The following TTK variants were observed in gnomAD, a reference collection of about 807,000 sequenced individuals.
TTK encodes TTK protein kinase, also known as dual specificity protein kinase TTK.
In TTK, 59 loss-of-function variants were observed where a neutral mutation model predicts 117.3. That is an observed-to-expected ratio of 0.50 (90% confidence interval 0.41 to 0.62). The LOEUF is 0.62. TTK is among the 20% of genes least tolerant of loss of function. TTK has a pLI of 0.00. For synonymous variants in TTK, 302 were observed against 325.0 expected, an observed-to-expected ratio of 0.93 and a Z score of 0.76; for missense variants, 921 against 989.4, an observed-to-expected ratio of 0.93 and a Z score of 0.93.
intron 13 of TTK, among the ~76,000 whole-genome samples, chr6:80,028,722 A>G (rs189836589): frequency 3.9e-5 from 6 of 152,344 alleles, no homozygotes; most frequent in Admixed American, 6.5e-5. Context: ...ATATCAGAAT[A>G]GCAATATGAG....
intron 13 of TTK, 84 bp downstream of exon 13, chr6:80,028,095 G>A: frequency 2.1e-6 from 3 of 1,398,414 alleles, no homozygotes; most frequent in Non-Finnish European, 2.8e-6. Context: ...TAGTTATCAA[G>A]AAAGGTCTTA....
chr6:80,008,581 A>C (rs1040613064), intron 4 of TTK, 89 bp downstream of exon 4: 2 of 1,198,516 alleles, frequency 1.7e-6, no homozygotes, highest in African/African-American at 3.2e-5. Flanking sequence ...TATGAAGTGG[A>C]AATTTGAGGC....
At chr6:80,008,725 A>G (rs1327602056) in intron 4 of TTK, among the ~76,000 whole-genome samples, 1 of 152,110 alleles carries the variant, frequency 6.6e-6, no homozygotes, top group Non-Finnish European at 1.5e-5. Context: ...AACATTGTGT[A>G]TGTGCTACTA....
chr6:80,039,567 TTAACA>T (rs1321753393), intron 18 of TTK, 124 bp from the exon 19 acceptor site: 2 of 591,812 alleles, frequency 3.4e-6, no homozygotes, highest in African/African-American at 3.9e-5. Flanking sequence ...TTTTGTCATG[TTAACA>T]TAATGTAGTA....
intron 10 of TTK, among the ~76,000 whole-genome samples, chr6:80,014,851 T>TA (rs1767263639): frequency 2.0e-5 from 3 of 152,270 alleles, no homozygotes; most frequent in African/African-American, 7.2e-5. Flanking sequence ...GCTTGACAAA[T>TA]ACTTTCTGGA....
chr6:80,019,566 A>G (rs867139873), intron 10 of TTK, among the ~76,000 whole-genome samples: 1 of 152,206 alleles, frequency 6.6e-6, no homozygotes, highest in African/African-American at 2.4e-5. Context: ...CTGAAAACTG[A>G]AATGTTATAC....
chr6:80,019,085 T>G (rs1286030102), intron 10 of TTK, among the ~76,000 whole-genome samples: 1 of 152,210 alleles, frequency 6.6e-6, no homozygotes, highest in African/African-American at 2.4e-5. Context: ...TTGCTAATAT[T>G]TCGTTTAGGA....
intron 9 of TTK, chr6:80,013,572 C>G: frequency 2.4e-6 from 1 of 410,064 alleles, no homozygotes; most frequent in Non-Finnish European, 4.3e-6. Context: ...GGTGGTAGAG[C>G]AAGGATCAAC....
chr6:80,035,594 A>T (rs1767884962), intron 16 of TTK, among the ~76,000 whole-genome samples, 177 bp downstream of exon 16: 1 of 152,070 alleles, frequency 6.6e-6, no homozygotes, highest in Admixed American at 6.6e-5. Flanking sequence ...AACACCGTTA[A>T]CCCAAAGGAT....
At chr6:80,027,085 G>A (rs926504768) in intron 12 of TTK, among the ~76,000 whole-genome samples, 1 of 152,130 alleles carries the variant, frequency 6.6e-6, no homozygotes, top group African/African-American at 2.4e-5. Context: ...TTCAGAGAAA[G>A]GAAATAAAGG....
chr6:80,035,216 A>T (rs759919158), intron 15 of TTK, 50 bp from the exon 16 acceptor site: 4 of 1,543,846 alleles, frequency 2.6e-6, no homozygotes, highest in Admixed American at 4.4e-5. Context: ...GTAAACTTTA[A>T]TATAACCTAG....
chr6:80,033,159 A>C (rs1384508319), intron 14 of TTK, among the ~76,000 whole-genome samples: 1 of 152,200 alleles, frequency 6.6e-6, no homozygotes, highest in Non-Finnish European at 1.5e-5. Context: ...CCATTGTCAA[A>C]GGTAGTATGA....
chr6:80,012,705 C>G (rs573098783), intron 8 of TTK, among the ~76,000 whole-genome samples: 7 of 152,058 alleles, frequency 4.6e-5, no homozygotes, highest in African/African-American at 1.7e-4. Flanking sequence ...TATATTTAGA[C>G]TTGACTAAAT....
At position 80,013,343 on chromosome 6, in the gene TTK, T is replaced by G; in HGVS notation, c.961T>G (p.Ser321Ala). ...VPGSKPSGNDSCELRNLKSVQ... is the reference protein window; with the variant it reads ...VPGSKPSGNDACELRNLKSVQ... ...TGGATCTAAACCAAGTGGAAATGAT[T>G]CCTGTGAATTAAGAAATTTAAAGGT... The change falls in exon 9 of 22, where the codon TCC (serine) becomes GCC (alanine). Residue 321 changes from serine (S) to alanine (A), a missense_variant. Transcript: ENST00000369798. 2.5e-6 allele frequency: 4 copies of G among 1,601,872 alleles called. No homozygotes were observed. Among genetic ancestry groups the G allele is most frequent in the Non-Finnish European group, 3.4e-6 (4 of 1,176,140 alleles).
At chr6:80,041,382 A>G (rs766987695) in intron 21 of TTK, among the ~76,000 whole-genome samples, 6 of 151,810 alleles carry the variant, frequency 4.0e-5, no homozygotes, top group Non-Finnish European at 8.9e-5. Flanking sequence ...GGAATTTACT[A>G]TATATTCACT....
At position 80,022,455 on chromosome 6, in the gene TTK, C is replaced by G. The variant is rs141520128; in HGVS notation, c.1240C>G (p.Arg414Gly). ...TCACTGGCAGATTCCGGAGTTAGCC[C>G]GAAAAGTTAATACAGAGGTAACTTT... ...SNHWQIPELA[R>G]KVNTEQKHTT... The change falls in exon 11 of 22, where the codon CGA (arginine) becomes GGA (glycine). Residue 414 changes from arginine to glycine, a missense_variant. Physicochemically the swap from Arg to Gly is moderately radical, Grantham distance 125. Transcript: ENST00000369798. 134 of 1,613,398 alleles carry G rather than the reference C, an allele frequency of 8.3e-5. No homozygotes were observed. The African/African-American group carries it at 9.2e-4, about 11-fold the overall frequency.
chr6:80,016,547 T>C (rs999769522), intron 10 of TTK, among the ~76,000 whole-genome samples: 1 of 152,186 alleles, frequency 6.6e-6, no homozygotes, highest in Non-Finnish European at 1.5e-5. Flanking sequence ...GTTGCAGTCT[T>C]GCTAATATTT....
intron 13 of TTK, among the ~76,000 whole-genome samples, chr6:80,028,230 A>G (rs1767657829): frequency 6.6e-6 from 1 of 152,180 alleles, no homozygotes; most frequent in Non-Finnish European, 1.5e-5. Flanking sequence ...TAACTAGGCC[A>G]AAGGATCCAG....
intron 11 of TTK, among the ~76,000 whole-genome samples, chr6:80,023,376 G>A (rs527333069): frequency 9.9e-5 from 15 of 152,174 alleles, no homozygotes; most frequent in Admixed American, 3.3e-4. Context: ...GGCAGATCAC[G>A]AGGTCAGGAG....
Sources: allele counts gnomAD v4.1 joint callset (sites outside exome capture counted in the v4.1 genomes callset), GRCh38; gene constraint gnomAD v4.1.1; transcripts MANE v1.5; gene names NCBI Gene and HGNC (gene_info 2026-07-23, HGNC 2026-07-21).